Variants in PIKFYVE observed in about 807,000 individuals in gnomAD.
PIKFYVE encodes phosphoinositide kinase, FYVE-type zinc finger containing.
Under a neutral mutation model 257.9 loss-of-function variants are expected in PIKFYVE, and 122 were observed. The observed-to-expected ratio is 0.47, with a 90% CI of 0.41 to 0.55. The LOEUF is 0.55. PIKFYVE is among the 20% of genes least tolerant of loss of function. The pLI is 0.00. For synonymous variants in PIKFYVE, 892 were observed against 868.9 expected (o/e 1.03, Z -0.47); for missense variants, 2,160 against 2,536.6 (o/e 0.85, Z 3.19).
chr2:208,313,727 C>T (rs4673396), intron 13 of PIKFYVE, among the ~76,000 whole-genome samples: 141,483 of 152,114 alleles, frequency 0.93, 66,324 homozygotes, highest in Non-Finnish European at 0.98. Flanking sequence ...GGATTACAGG[C>T]GTGTGCCAAC....
chr2:208,347,740 T>A (rs1699363017), intron 34 of PIKFYVE, 119 bp from the exon 35 acceptor site: 1 of 852,122 alleles, frequency 1.2e-6, no homozygotes, highest in Non-Finnish European at 1.9e-6. Context: ...GTATTTGCAT[T>A]ACTCAGATTG....
At chr2:208,275,955 A>G (rs1038980471) in intron 3 of PIKFYVE, among the ~76,000 whole-genome samples, 3 of 152,292 alleles carry the variant, frequency 2.0e-5, no homozygotes, top group Admixed American at 1.3e-4. Context: ...GGCATACCCT[A>G]TTTTGGCCAT....
In PIKFYVE at chr2:208,320,337, G is replaced by T. The variant is rs755068168; in HGVS notation, c.2168G>T (p.Cys723Phe). 6.2e-7 allele frequency: 1 copy of T among 1,612,166 alleles called. No individual in the cohort carries two copies. The highest frequency in any genetic ancestry group is 1.7e-5 in the Admixed American group (1 of 59,998). Residue 723 changes from cysteine (C) to phenylalanine (F), a missense_variant, in exon 17 of 42, where the codon TGC (cysteine) becomes TTC (phenylalanine). Cys to Phe is a radical substitution (Grantham distance 205). This residue lies in a region of PIKFYVE where 346 missense variants were observed against 365.6 expected (regional missense o/e 0.95). Coordinates refer to ENST00000264380, the MANE Select transcript of PIKFYVE (RefSeq NM_015040.4). ...TACAGAGAAGAAACTAAGTTTACTT[G>T]CATTGATCCTATTGTGCTTCAGGTA... ...YLYREETKFT[C>F]IDPIVLQERE...
chr2:208,308,826 G>A (rs140137980), intron 12 of PIKFYVE, among the ~76,000 whole-genome samples: 7,483 of 151,334 alleles, frequency 0.049, 388 homozygotes, highest in African/African-American at 0.13. Flanking sequence ...TCCTGTCTTA[G>A]CCTCCCAAGT....
intron 7 of PIKFYVE, among the ~76,000 whole-genome samples, chr2:208,295,348 G>A (rs76975931): frequency 0.049 from 7,507 of 152,222 alleles, 392 homozygotes; most frequent in African/African-American, 0.13. Context: ...TTAGGAAATT[G>A]TAACAGTGGT....
intron 24 of PIKFYVE, among the ~76,000 whole-genome samples, chr2:208,335,092 C>G (rs777716787): frequency 6.6e-6 from 1 of 152,192 alleles, no homozygotes. Context: ...GATGGTACTA[C>G]AGCATAATGA....
chr2:208,344,846 G>A (rs1454026467), intron 32 of PIKFYVE, among the ~76,000 whole-genome samples: 1 of 152,010 alleles, frequency 6.6e-6, no homozygotes, highest in Non-Finnish European at 1.5e-5. Context: ...CTAAATATTA[G>A]TAAGTAGGCT....
intron 5 of PIKFYVE, among the ~76,000 whole-genome samples, chr2:208,279,944 G>C (rs1475710948): frequency 1.3e-5 from 2 of 152,146 alleles, no homozygotes; most frequent in Non-Finnish European, 1.5e-5. Flanking sequence ...CACATTTCCT[G>C]ACTTCAAATT....
chr2:208,334,278 G>A, intron 24 of PIKFYVE: 1 of 152,528 alleles, frequency 6.6e-6, no homozygotes, highest in Middle Eastern at 3.1e-3. Context: ...CAACACAGCA[G>A]TCAGAGTGGT....
rs75576062 is a variant in PIKFYVE, at chr2:208,277,377, C to G, written c.442-160C>G. Among the ~76,000 whole-genome samples, 244 of 152,128 alleles carry G rather than the reference C, an allele frequency of 1.6e-3. 1 individual carries two copies. Among genetic ancestry groups the G allele is most frequent in the African/African-American group, 5.7e-3 (238 of 41,492 alleles). On this transcript the variant is annotated intron_variant, in intron 4 of 41. Transcript: ENST00000264380. Reference sequence around the variant, plus strand: ...GTAATATTAAGTCCTTCAATTTGTTCTTCTTCAAGATTGTCTTGGTTATTT... The same window carrying G: ...GTAATATTAAGTCCTTCAATTTGTTGTTCTTCAAGATTGTCTTGGTTATTT...
chr2:208,352,992 C>G (rs1171608011), intron 39 of PIKFYVE, among the ~76,000 whole-genome samples: 4 of 152,150 alleles, frequency 2.6e-5, no homozygotes, highest in Non-Finnish European at 4.4e-5. Flanking sequence ...TACAGCATAT[C>G]CAATATTCTA....
At chr2:208,272,963 G>A (rs7606320) in intron 2 of PIKFYVE, among the ~76,000 whole-genome samples, 24,723 of 152,040 alleles carry the variant, frequency 0.16, 2,268 homozygotes, top group South Asian at 0.26. Context: ...ACTAAATTAC[G>A]TATTTTATTT....
intron 17 of PIKFYVE, 126 bp downstream of exon 17, chr2:208,320,485 C>A: frequency 9.1e-7 from 1 of 1,097,104 alleles, no homozygotes; most frequent in Non-Finnish European, 1.3e-6. Context: ...GATAGCTTAC[C>A]AAAACCTCTG....
intron 16 of PIKFYVE, among the ~76,000 whole-genome samples, chr2:208,319,909 G>C (rs1696005805): frequency 6.6e-6 from 1 of 151,970 alleles, no homozygotes; most frequent in Non-Finnish European, 1.5e-5. Flanking sequence ...TGGAGTTTGT[G>C]AAGTAACCTG....
chr2:208,305,109 C>T (rs1694167856), intron 12 of PIKFYVE, 96 bp downstream of exon 12: 11 of 1,576,728 alleles, frequency 7.0e-6, no homozygotes, highest in Middle Eastern at 4.2e-4. Flanking sequence ...CTCTGTCCCA[C>T]GTGGCTGAGG....
chr2:208,334,770 A>G (rs1697947327), intron 24 of PIKFYVE, among the ~76,000 whole-genome samples: 1 of 152,164 alleles, frequency 6.6e-6, no homozygotes, highest in African/African-American at 2.4e-5. Flanking sequence ...TATCCTCAGC[A>G]CCTAAAACAG....
intron 30 of PIKFYVE, 55 bp downstream of exon 30, chr2:208,339,610 A>G (rs1698515871): frequency 6.3e-7 from 1 of 1,592,766 alleles, no homozygotes; most frequent in Non-Finnish European, 8.6e-7. Flanking sequence ...TGAAAGATAT[A>G]TCATTGATTT....
At chr2:208,322,582 A>C (rs558160091) in intron 17 of PIKFYVE, among the ~76,000 whole-genome samples, 1 of 151,984 alleles carries the variant, frequency 6.6e-6, no homozygotes, top group African/African-American at 2.4e-5. Context: ...AATCAAGTTT[A>C]GAATGATGAA....
chr2:208,291,605 G>A (rs1692323460), intron 7 of PIKFYVE, among the ~76,000 whole-genome samples: 1 of 152,084 alleles, frequency 6.6e-6, no homozygotes, highest in African/African-American at 2.4e-5. Flanking sequence ...TGGGCCTGGT[G>A]CTTTCTGTTT....
Sources: gnomAD v4.1 joint callset for allele counts (sites outside exome capture counted in the v4.1 genomes callset) on GRCh38, gnomAD v4.1.1 for gene constraint, gnomAD v4.1.1 regional missense constraint, MANE v1.5 for transcripts, NCBI Gene and HGNC (gene_info 2026-07-23, HGNC 2026-07-21) for gene names.